The following EYA1 variants were observed in gnomAD, a reference collection of about 807,000 sequenced individuals.
EYA1 encodes EYA transcriptional coactivator and phosphatase 1.
Under a neutral mutation model 82.0 loss-of-function variants are expected in EYA1, and 16 were observed. The ratio of observed to expected loss-of-function variants is 0.20; its 90% CI spans 0.13 to 0.30. The LOEUF (loss-of-function observed/expected upper bound fraction) is 0.30, where lower values mean the gene tolerates loss of function less well. EYA1 is among the 10% of genes least tolerant of loss of function. EYA1 has a pLI of 1.00. For missense variants in EYA1, 633 were observed against 730.7 expected, an observed-to-expected ratio of 0.87 and a Z score of 1.54; for synonymous variants, 261 against 264.4, an observed-to-expected ratio of 0.99 and a Z score of 0.12.
At chr8:71,536,802 C>A (rs927033294) in intron 1 of EYA1, among the ~76,000 whole-genome samples, 5 of 152,168 alleles carry the variant, frequency 3.3e-5, no homozygotes, top group African/African-American at 1.2e-4. Flanking sequence ...TTTCTACATG[C>A]TCACATATTA....
At chr8:71,357,973 CTTT>C (rs747409634) in intron 1 of EYA1, among the ~76,000 whole-genome samples, 3 of 143,954 alleles carry the variant, frequency 2.1e-5, no homozygotes, top group Middle Eastern at 7.4e-3. Flanking sequence ...TTTCCTTTTT[CTTT>C]TTTTTTTTTC....
chr8:71,329,169 C>T (rs1823515762), intron 4 of EYA1, among the ~76,000 whole-genome samples: 1 of 152,134 alleles, frequency 6.6e-6, no homozygotes, highest in Non-Finnish European at 1.5e-5. Flanking sequence ...CTAGAATTTT[C>T]ATTCCTTTGT....
At chr8:71,220,479 T>A (rs2128862743) in intron 12 of EYA1, among the ~76,000 whole-genome samples, 1 of 152,314 alleles carries the variant, frequency 6.6e-6, no homozygotes, top group African/African-American at 2.4e-5. Flanking sequence ...CAAGGACTCC[T>A]GAAAGATTTT....
intron 9 of EYA1, among the ~76,000 whole-genome samples, chr8:71,293,185 T>C (rs1453335542): frequency 6.6e-6 from 1 of 152,032 alleles, no homozygotes; most frequent in East Asian, 1.9e-4. Context: ...TTAGACAAAG[T>C]TAGATGAAAT....
chr8:71,199,216 G>A lies in EYA1; in HGVS notation c.*124C>T, dbSNP rs1451708252. On this transcript the variant is annotated 3_prime_UTR_variant, in exon 18 of 18. Transcript: ENST00000340726. ...ACAAAGGCAGAGGTCAAGACTGACA[G>A]CAACTGCGCATCACCAGGCGGAAAT... 2.8e-6 allele frequency: 2 copies of A among 722,860 alleles called. No homozygotes were observed. Among genetic ancestry groups the A allele is most frequent in the African/African-American group, 1.7e-5 (1 of 57,610 alleles). 44.8% of individuals were successfully genotyped at this position (722,860 alleles called of 1,614,324 possible).
At chr8:71,447,569 T>A (rs2054243157) in intron 2 of EYA1, among the ~76,000 whole-genome samples, 1 of 152,212 alleles carries the variant, frequency 6.6e-6, no homozygotes, top group South Asian at 2.1e-4. Context: ...TAAGTTTTGA[T>A]AATTCATTGC....
chr8:71,475,374 T>C (rs1335277317), intron 2 of EYA1, among the ~76,000 whole-genome samples: 2 of 152,206 alleles, frequency 1.3e-5, no homozygotes, highest in Non-Finnish European at 2.9e-5. Flanking sequence ...TTTAACGACC[T>C]TTTGTCCAGA....
chr8:71,226,981 T>C (rs373224508), intron 12 of EYA1, among the ~76,000 whole-genome samples: 3 of 152,200 alleles, frequency 2.0e-5, no homozygotes, highest in South Asian at 4.2e-4. Flanking sequence ...CAAACCTTCA[T>C]ATACCACACA....
intron 3 of EYA1, among the ~76,000 whole-genome samples, chr8:71,347,664 T>C (rs1825875673): frequency 6.6e-6 from 1 of 152,162 alleles, no homozygotes; most frequent in Admixed American, 6.5e-5. Flanking sequence ...GCAGTTCATA[T>C]TCTTTATTTT....
At chr8:71,386,295 T>C (rs762652044) in intron 2 of EYA1, among the ~76,000 whole-genome samples, 1 of 152,184 alleles carries the variant, frequency 6.6e-6, no homozygotes, top group Non-Finnish European at 1.5e-5. Flanking sequence ...ATGTGAAAGA[T>C]AGGGGAAGGG....
chr8:71,312,597 C>G (rs1292373660), intron 7 of EYA1, among the ~76,000 whole-genome samples: 4 of 152,286 alleles, frequency 2.6e-5, no homozygotes, highest in African/African-American at 7.2e-5. Context: ...GACATTACAC[C>G]TGGCTAATTT....
intron 2 of EYA1, among the ~76,000 whole-genome samples, chr8:71,507,636 A>ATAATG (rs1388380000): frequency 1.3e-5 from 2 of 152,258 alleles, no homozygotes; most frequent in Non-Finnish European, 2.9e-5. Flanking sequence ...CTTGTCCATC[A>ATAATG]TAATGTCACA....
At chr8:71,344,552 G>A (rs1264605808) in intron 3 of EYA1, among the ~76,000 whole-genome samples, 1 of 152,066 alleles carries the variant, frequency 6.6e-6, no homozygotes, top group Non-Finnish European at 1.5e-5. Flanking sequence ...TAAATACATA[G>A]TCCATGATCA....
intron 16 of EYA1, 56 bp downstream of exon 16, chr8:71,215,331 T>G (rs1216559873): frequency 1.9e-6 from 3 of 1,575,860 alleles, no homozygotes; most frequent in Non-Finnish European, 2.6e-6. Flanking sequence ...GCCTTTCGTT[T>G]TTATTATCCT....
At chr8:71,285,547 C>T (rs368014480) in intron 9 of EYA1, among the ~76,000 whole-genome samples, 13 of 152,228 alleles carry the variant, frequency 8.5e-5, no homozygotes, top group African/African-American at 1.7e-4. Context: ...TGAACTGAAA[C>T]GAATAACAGG....
chr8:71,391,042 C>T (rs917045506), intron 2 of EYA1, among the ~76,000 whole-genome samples: 1 of 152,084 alleles, frequency 6.6e-6, no homozygotes, highest in Admixed American at 6.5e-5. Flanking sequence ...GGTGCGATCT[C>T]GGCTCACTGC....
Position 71,537,052 on chromosome 8 carries a change from T to C in EYA1, c.-72-1204A>G, listed in dbSNP as rs561966255. 2.0e-5 allele frequency among the ~76,000 whole-genome samples: 3 copies of C among 152,348 alleles called. No homozygotes were observed. The East Asian group carries it at 5.8e-4, about 29-fold the overall frequency. ...ATTTTCAGGTAAAATATTCCAAGCA[T>C]GGTTTATTTAAGAAGTAATTTTGAA... On this transcript the variant is annotated intron_variant, in intron 1 of 18. Transcript: ENST00000643681.
chr8:71,282,271 C>T (rs535413049), intron 9 of EYA1, among the ~76,000 whole-genome samples: 2 of 152,300 alleles, frequency 1.3e-5, no homozygotes, highest in African/African-American at 4.8e-5. Flanking sequence ...TGCACACAAG[C>T]TAGATAGATT....
intron 2 of EYA1, among the ~76,000 whole-genome samples, chr8:71,422,541 T>A (rs1046401364): frequency 4.6e-5 from 7 of 152,188 alleles, no homozygotes; most frequent in Non-Finnish European, 8.8e-5. Flanking sequence ...TATCTACAGA[T>A]ACCTACTGTA....
Sources: allele counts gnomAD v4.1 joint callset (sites outside exome capture counted in the v4.1 genomes callset), GRCh38; gene constraint gnomAD v4.1.1; transcripts MANE v1.5; gene names NCBI Gene and HGNC (gene_info 2026-07-23, HGNC 2026-07-21).